Variants in EPG5 observed in about 807,000 individuals in gnomAD.
EPG5 encodes the protein ectopic P-granules 5 autophagy tethering factor.
Under a neutral mutation model 302.7 loss-of-function variants are expected in EPG5, and 159 were observed. That is an observed-to-expected ratio of 0.53 (90% CI 0.46 to 0.60). The LOEUF (loss-of-function observed/expected upper bound fraction) is 0.60. Ranked by LOEUF, EPG5 falls within the 20% of genes least tolerant of loss-of-function variation. The probability of loss-of-function intolerance (pLI) is 0.00; values close to 1 mark genes in which losing one functional copy is unlikely to be tolerated. For synonymous variants in EPG5, 1,158 were observed against 1,136.8 expected, an observed-to-expected ratio of 1.02 and a Z score of -0.37; for missense variants, 2,896 against 3,092.4, an observed-to-expected ratio of 0.94 and a Z score of 1.51.
intron 38 of EPG5, among the ~76,000 whole-genome samples, chr18:45,866,457 G>A (rs527826257): frequency 6.6e-6 from 1 of 152,246 alleles, no homozygotes; most frequent in East Asian, 1.9e-4. Flanking sequence ...TGAGAAAACT[G>A]AGGGACTTGC....
At chr18:45,887,050 ATAAG>A (rs1317938668) in intron 29 of EPG5, among the ~76,000 whole-genome samples, 2 of 152,216 alleles carry the variant, frequency 1.3e-5, no homozygotes, top group Admixed American at 6.5e-5. Context: ...TAAGCATCCA[ATAAG>A]TAAGTACTCA....
chr18:45,838,174 A>G, the EPG5 span, among the ~76,000 whole-genome samples: 1 of 152,210 alleles, frequency 6.6e-6, no homozygotes, highest in South Asian at 2.1e-4. Flanking sequence ...TGGCTCTCAG[A>G]CGAAGAGGCG....
rs148364219 is a variant in EPG5, at chr18:45,930,204, T to C, written c.2412+472A>G. 5.8e-3 allele frequency among the ~76,000 whole-genome samples: 880 copies of C among 152,268 alleles called. 15 individuals are homozygous for C. Among genetic ancestry groups the C allele is most frequent in the African/African-American group, 0.02 (850 of 41,548 alleles). On this transcript the variant is annotated intron_variant, in intron 12 of 43. Transcript: ENST00000282041. Reference sequence around the variant, plus strand: ...AATTTCATATTATAGATGAGGAAAATGAAGCCTGGGGTAATAAGTTATCTT... The same window carrying C: ...AATTTCATATTATAGATGAGGAAAACGAAGCCTGGGGTAATAAGTTATCTT...
chr18:45,957,426 G>A (rs893813298), intron 1 of EPG5, among the ~76,000 whole-genome samples: 1 of 152,146 alleles, frequency 6.6e-6, no homozygotes, highest in Non-Finnish European at 1.5e-5. Flanking sequence ...AACATTATAT[G>A]AGTGTTAATA....
chr18:45,838,718 C>A, the EPG5 span: 6 of 1,571,804 alleles, frequency 3.8e-6, no homozygotes, highest in Non-Finnish European at 5.1e-6. Flanking sequence ...TCCCCTGCAG[C>A]CGCGCCGCGG....
At chr18:45,803,470 T>C in the EPG5 span, among the ~76,000 whole-genome samples, 1 of 152,186 alleles carries the variant, frequency 6.6e-6, no homozygotes, top group African/African-American at 2.4e-5. Flanking sequence ...TTTACCACTT[T>C]TGGCCTGATG....
At position 45,884,793 on chromosome 18, in the gene EPG5, T is replaced by G; in HGVS notation, c.5128A>C (p.Lys1710Gln). The G allele has an allele frequency of 6.4e-7, 1 of 1,560,654 alleles. No homozygotes were observed. Among genetic ancestry groups the G allele is most frequent in the South Asian group, 1.2e-5 (1 of 82,932 alleles). The change falls in exon 30 of 44, where the codon AAA becomes CAA. Residue 1710 changes from lysine to glutamine, a missense_variant. By Grantham distance (53) the Lys-to-Gln change is moderately conservative. Around this residue, in one of 5 missense-constraint regions of EPG5, gnomAD observed 790 missense variants for 798.0 expected, o/e 0.99. Transcript: ENST00000282041. ...TCAAGTACTTTTCTGCACTCTGATT[T>G]AATGCCACTGATAAATACCTTGGAA... Reference protein sequence around the residue: ...ILGQVFISGIKSECRKVLETI... With the variant: ...ILGQVFISGIQSECRKVLETI...
Position 45,934,838 on chromosome 18 carries a change from T to G in EPG5, c.2228A>C (p.Gln743Pro). Residue 743 changes from glutamine to proline, a missense_variant, in exon 11 of 44, where the codon CAG becomes CCG. Coordinates refer to ENST00000282041, the MANE Select transcript of EPG5 (RefSeq NM_020964.3). ...GAGCTGCTGCTTGCACTGGGCGGGC[T>G]GCAGGGAGGAGGAGAGCTGCTGCAG... Reference protein sequence around the residue: ...ENLQQLSSSLQPAQCKQQLQD... With the variant: ...ENLQQLSSSLPPAQCKQQLQD... The G allele has an allele frequency of 6.2e-7, 1 of 1,614,108 alleles. No homozygotes were observed.
chr18:45,927,118 C>T (rs1419475441), intron 13 of EPG5, among the ~76,000 whole-genome samples: 7 of 151,430 alleles, frequency 4.6e-5, no homozygotes, highest in Admixed American at 1.3e-4. Context: ...CTGCAAGCTC[C>T]GCCTCCCAGG....
chr18:45,953,433 T>C, intron 2 of EPG5: 1 of 985,372 alleles, frequency 1.0e-6, no homozygotes, highest in Non-Finnish European at 1.2e-6. Context: ...AATATTTCCC[T>C]CCTTACTATG....
chr18:45,864,919 G>A (rs1391742864), intron 39 of EPG5, among the ~76,000 whole-genome samples: 1 of 152,240 alleles, frequency 6.6e-6, no homozygotes, highest in Non-Finnish European at 1.5e-5. Flanking sequence ...CACAAGAGGA[G>A]GTTTACTTCT....
the EPG5 span, among the ~76,000 whole-genome samples, chr18:45,841,888 T>C: frequency 6.6e-6 from 1 of 152,080 alleles, no homozygotes; most frequent in African/African-American, 2.4e-5. Flanking sequence ...CAGACAGAGA[T>C]AGCAACTCTA....
At chr18:45,839,151 C>CT in the EPG5 span, 1 of 1,346,396 alleles carries the variant, frequency 7.4e-7, no homozygotes, top group Non-Finnish European at 9.5e-7. Flanking sequence ...GCTCTCTGCT[C>CT]TTAGATAAGA....
chr18:45,909,461 A>T (rs1172773012), intron 23 of EPG5, among the ~76,000 whole-genome samples: 1 of 152,108 alleles, frequency 6.6e-6, no homozygotes, highest in Non-Finnish European at 1.5e-5. Context: ...GGGCAAATAA[A>T]CCTAAGGCCT....
intron 22 of EPG5, among the ~76,000 whole-genome samples, chr18:45,912,044 A>G (rs912522555): frequency 2.0e-5 from 3 of 152,080 alleles, no homozygotes; most frequent in South Asian, 2.1e-4. Context: ...ACCTTGCCCA[A>G]TCCCAGGGTG....
At chr18:45,838,994 C>CT in the EPG5 span, 13 of 1,597,452 alleles carry the variant, frequency 8.1e-6, no homozygotes, top group Non-Finnish European at 1.1e-5. Context: ...TTCCATGGCG[C>CT]CAGCGGGGCC....
chr18:45,897,959 G>A (rs1304010716), intron 27 of EPG5, among the ~76,000 whole-genome samples: 2 of 152,228 alleles, frequency 1.3e-5, no homozygotes, highest in Non-Finnish European at 2.9e-5. Flanking sequence ...AGAATCATTT[G>A]TGTGTAGACA....
At chr18:45,804,081 A>T in the EPG5 span, among the ~76,000 whole-genome samples, 8 of 152,334 alleles carry the variant, frequency 5.3e-5, no homozygotes, top group East Asian at 1.5e-3. Flanking sequence ...AAACATAGTT[A>T]GTATCATCAC....
At chr18:45,893,431 G>T (rs892531881) in intron 27 of EPG5, among the ~76,000 whole-genome samples, 3 of 151,988 alleles carry the variant, frequency 2.0e-5, no homozygotes, top group African/African-American at 7.3e-5. Context: ...TGGGCATGGT[G>T]TTGTGACCCT....
Sources: allele counts gnomAD v4.1 joint callset (sites outside exome capture counted in the v4.1 genomes callset), GRCh38; gene constraint gnomAD v4.1.1; regional missense constraint gnomAD v4.1.1; transcripts MANE v1.5; gene names NCBI Gene and HGNC (gene_info 2026-07-23, HGNC 2026-07-21).